Variants in CELF2 observed in about 807,000 individuals in gnomAD.
CELF2 encodes the protein CUG triplet repeat RNA-binding protein 2.
In CELF2, 8 loss-of-function variants were observed where a neutral mutation model predicts 62.6. The ratio of observed to expected loss-of-function variants is 0.13; its 90% confidence interval spans 0.07 to 0.23. The LOEUF is 0.23. CELF2 is among the 10% of genes least tolerant of loss of function. The probability of loss-of-function intolerance (pLI) is 1.00; values close to 1 mark genes in which losing one functional copy is unlikely to be tolerated. For missense variants in CELF2, 333 were observed against 671.0 expected (o/e 0.50, Z 5.56); for synonymous variants, 258 against 250.0 (o/e 1.03, Z -0.30).
intron 2 of CELF2, among the ~76,000 whole-genome samples, chr10:10,953,465 CTT>C (rs1158514645): frequency 6.6e-6 from 1 of 152,162 alleles, no homozygotes. Context: ...TTCATTTTCT[CTT>C]TGCTTGAAAT....
At chr10:10,803,053 C>T (rs2054831833) in intron 1 of CELF2, among the ~76,000 whole-genome samples, 1 of 152,178 alleles carries the variant, frequency 6.6e-6, no homozygotes, top group Non-Finnish European at 1.5e-5. Context: ...ATTGCCAGCT[C>T]CTACTGAGTT....
chr10:10,782,911 C>CA, the CELF2 span, among the ~76,000 whole-genome samples: 1 of 152,104 alleles, frequency 6.6e-6, no homozygotes, highest in Non-Finnish European at 1.5e-5. Flanking sequence ...CAGCCGTAGA[C>CA]CCTCCCTTGT....
the CELF2 span, among the ~76,000 whole-genome samples, chr10:10,541,695 T>C: frequency 6.6e-6 from 1 of 152,238 alleles, no homozygotes; most frequent in Non-Finnish European, 1.5e-5. Flanking sequence ...TAGTGTATAA[T>C]GAGCAGTGAG....
intron 1 of CELF2, among the ~76,000 whole-genome samples, chr10:11,037,930 A>G (rs2061226310): frequency 6.6e-6 from 1 of 151,602 alleles, no homozygotes. Flanking sequence ...TGGCAAAGTG[A>G]AAAGCTTGAG....
At chr10:11,235,489 A>G (rs1383583427) in intron 3 of CELF2, among the ~76,000 whole-genome samples, 1 of 152,240 alleles carries the variant, frequency 6.6e-6, no homozygotes, top group East Asian at 1.9e-4. Context: ...TAATTTCTCT[A>G]AGCTCTACCA....
chr10:10,494,670 A>G, the CELF2 span, among the ~76,000 whole-genome samples: 1 of 152,170 alleles, frequency 6.6e-6, no homozygotes, highest in African/African-American at 2.4e-5. Context: ...CTCTTAAACC[A>G]ATCACAGAGG....
chr10:11,099,952 G>C (rs1376311924), intron 1 of CELF2, among the ~76,000 whole-genome samples: 1 of 150,192 alleles, frequency 6.7e-6, no homozygotes, highest in Non-Finnish European at 1.5e-5. Context: ...CATAATCCCA[G>C]CACTTTGGGA....
chr10:10,979,802 A>G (rs2051847804), intron 2 of CELF2, among the ~76,000 whole-genome samples: 2 of 152,226 alleles, frequency 1.3e-5, no homozygotes, highest in Admixed American at 1.3e-4. Context: ...CATAGCTGGT[A>G]AAACATCTGA....
chr10:10,541,939 T>C, the CELF2 span, among the ~76,000 whole-genome samples: 1 of 152,214 alleles, frequency 6.6e-6, no homozygotes, highest in Non-Finnish European at 1.5e-5. Flanking sequence ...CCTCTGATAA[T>C]AGTTCCATGA....
chr10:10,748,316 G>A, the CELF2 span, among the ~76,000 whole-genome samples: 41 of 152,258 alleles, frequency 2.7e-4, 1 homozygote, highest in Admixed American at 1.4e-3. Flanking sequence ...CGGTCTATGC[G>A]TGGAACAAAA....
In CELF2 at chr10:11,305,367, G is replaced by A. The variant is rs539504715; in HGVS notation, c.977-8772G>A. 4.9e-4 allele frequency among the ~76,000 whole-genome samples: 74 copies of A among 152,160 alleles called. No individual in the cohort carries two copies. The highest frequency in any genetic ancestry group is 1.0e-3 in the South Asian group (5 of 4,834). On this transcript the variant is annotated intron_variant, in intron 9 of 12. Transcript: ENST00000633077. This position sits in a 1 kb window ranked among gnomAD's most constrained non-coding sequence, Gnocchi z 4.8. ...GTCCTCATGCCCACACCTGGGTGCC[G>A]GCGCCCATCCTGCATCCCTCACGGG... is the stretch of plus-strand genomic sequence containing the variant.
the CELF2 span, among the ~76,000 whole-genome samples, chr10:10,750,837 G>A: frequency 1.3e-5 from 2 of 152,338 alleles, no homozygotes; most frequent in South Asian, 2.1e-4. Context: ...TGAAACTCAA[G>A]TGGTGAGACC....
At chr10:10,462,805 A>C in the CELF2 span, among the ~76,000 whole-genome samples, 3 of 151,932 alleles carry the variant, frequency 2.0e-5, no homozygotes, top group Non-Finnish European at 4.4e-5. Flanking sequence ...GTCTACCCCG[A>C]TGATGCTTCT....
At chr10:10,541,470 C>T in the CELF2 span, among the ~76,000 whole-genome samples, 1 of 152,054 alleles carries the variant, frequency 6.6e-6, no homozygotes, top group Admixed American at 6.5e-5. Context: ...GCCCCAAGGG[C>T]TCTTGGTTCG....
the CELF2 span, among the ~76,000 whole-genome samples, chr10:10,575,501 TA>T: frequency 1.3e-5 from 2 of 152,228 alleles, no homozygotes; most frequent in Non-Finnish European, 2.9e-5. Flanking sequence ...GAGTGTGTTT[TA>T]TGCAACATGT....
At chr10:10,704,261 T>G in the CELF2 span, among the ~76,000 whole-genome samples, 3 of 152,146 alleles carry the variant, frequency 2.0e-5, no homozygotes, top group Non-Finnish European at 4.4e-5. Context: ...ACTACCATTG[T>G]CAAAACAAAT....
At chr10:10,963,344 C>T (rs947678872) in intron 2 of CELF2, among the ~76,000 whole-genome samples, 2 of 152,096 alleles carry the variant, frequency 1.3e-5, no homozygotes, top group African/African-American at 4.8e-5. Context: ...CATGAGCCAC[C>T]GTGCCCAGCC....
intron 1 of CELF2, among the ~76,000 whole-genome samples, chr10:10,866,774 G>A (rs946840530): frequency 6.6e-6 from 1 of 151,702 alleles, no homozygotes; most frequent in South Asian, 2.1e-4. Flanking sequence ...CAAAAAATTA[G>A]ATGGGCATGG....
intron 1 of CELF2, among the ~76,000 whole-genome samples, chr10:10,869,335 G>A (rs773269729): frequency 2.6e-5 from 4 of 152,108 alleles, no homozygotes; most frequent in South Asian, 2.1e-4. Context: ...AGGCCAAGGC[G>A]GGCAGATCAC....
Sources: allele counts gnomAD v4.1 joint callset (sites outside exome capture counted in the v4.1 genomes callset), GRCh38; gene constraint gnomAD v4.1.1; non-coding constraint Gnocchi (gnomAD v3.1); transcripts MANE v1.5; gene names NCBI Gene and HGNC (gene_info 2026-07-23, HGNC 2026-07-21).